The following PHF11 variants were observed in gnomAD, a reference collection of about 807,000 sequenced individuals.
The protein encoded by PHF11 is BRCA1 C-terminus-associated protein.
A neutral mutation model predicts 40.5 loss-of-function variants in PHF11; 38 were observed. The observed-to-expected ratio is 0.94, with a 90% confidence interval of 0.72 to 1.23. The LOEUF (loss-of-function observed/expected upper bound fraction) is 1.23. PHF11 is among the 50% of genes most tolerant of loss of function. The pLI is 0.00. For synonymous variants in PHF11, 127 were observed against 138.2 expected, an observed-to-expected ratio of 0.92 and a Z score of 0.57; for missense variants, 369 against 392.4, an observed-to-expected ratio of 0.94 and a Z score of 0.50.
intron 9 of PHF11, among the ~76,000 whole-genome samples, 177 bp from the exon 10 acceptor site, chr13:49,528,331 TAGA>T (rs910123050): frequency 6.6e-6 from 1 of 152,148 alleles, no homozygotes; most frequent in Non-Finnish European, 1.5e-5. Context: ...TGTCCTGAAT[TAGA>T]AGGAGGAAGT....
chr13:49,509,072 T>C (rs1391734596), intron 2 of PHF11, among the ~76,000 whole-genome samples: 2 of 152,204 alleles, frequency 1.3e-5, no homozygotes, highest in East Asian at 3.8e-4. Flanking sequence ...TTATTTTATT[T>C]CACTTTTTTA....
At chr13:49,509,133 A>G (rs1959049052) in intron 2 of PHF11, among the ~76,000 whole-genome samples, 1 of 152,070 alleles carries the variant, frequency 6.6e-6, no homozygotes, top group Non-Finnish European at 1.5e-5. Context: ...GAAAAGTTGC[A>G]TATACAGTAC....
rs773721735 is a variant in PHF11 at position 49,525,896 on chromosome 13, C to T, written c.770-491C>T. Reference sequence around the variant, plus strand: ...AATACCAAGAATTGGGGGCCAGGCGCGGTGGCTCACGCCTGTAATCCCAGC... The same window carrying T: ...AATACCAAGAATTGGGGGCCAGGCGTGGTGGCTCACGCCTGTAATCCCAGC... On this transcript the variant is annotated intron_variant, in intron 8 of 9. Transcript: ENST00000378319. 2.3e-5 allele frequency: 10 copies of T among 431,108 alleles called. No homozygotes were observed. In the East Asian group the frequency reaches 4.3e-4, roughly 19 times the overall value. 26.7% of individuals were successfully genotyped at this position (431,108 alleles called of 1,614,324 possible).
chr13:49,500,233 C>T (rs929071983), intron 1 of PHF11, among the ~76,000 whole-genome samples: 5 of 152,078 alleles, frequency 3.3e-5, no homozygotes, highest in African/African-American at 1.2e-4. Context: ...GTTGCTAAAC[C>T]CCCCTAGAAA....
intron 1 of PHF11, 50 bp from the exon 2 acceptor site, chr13:49,506,585 A>G: frequency 6.3e-7 from 1 of 1,591,520 alleles, no homozygotes; most frequent in East Asian, 2.2e-5. Flanking sequence ...GGAGTTAGTG[A>G]GACCAAGAAA....
intron 4 of PHF11, among the ~76,000 whole-genome samples, chr13:49,519,169 G>A (rs115408713): frequency 0.018 from 2,742 of 152,196 alleles, 83 homozygotes; most frequent in African/African-American, 0.062. Flanking sequence ...AGCAAGTTCC[G>A]TAAGTATTTT....
At chr13:49,519,437 G>C (rs1224509176) in intron 4 of PHF11, among the ~76,000 whole-genome samples, 2 of 151,798 alleles carry the variant, frequency 1.3e-5, no homozygotes, top group Non-Finnish European at 2.9e-5. Context: ...TAACAAATAG[G>C]GACTCAATAA....
intron 9 of PHF11, among the ~76,000 whole-genome samples, 171 bp from the exon 10 acceptor site, chr13:49,528,340 G>A (rs1481688774): frequency 6.6e-6 from 1 of 152,212 alleles, no homozygotes; most frequent in African/African-American, 2.4e-5. Flanking sequence ...TTAGAAGGAG[G>A]AAGTGAAGGC....
At chr13:49,515,319 C>T (rs1312867439) in intron 3 of PHF11, among the ~76,000 whole-genome samples, 2 of 152,018 alleles carry the variant, frequency 1.3e-5, no homozygotes, top group Non-Finnish European at 2.9e-5. Flanking sequence ...TGGGCAAGTA[C>T]CTTGAGGGTG....
At chr13:49,520,139 C>G (rs762085968) in intron 4 of PHF11, among the ~76,000 whole-genome samples, 1 of 152,188 alleles carries the variant, frequency 6.6e-6, no homozygotes, top group Non-Finnish European at 1.5e-5. Flanking sequence ...CTTCCAGCCT[C>G]CTGGGTTCAA....
chr13:49,514,913 A>C (rs1451245736), intron 3 of PHF11, among the ~76,000 whole-genome samples: 1 of 152,206 alleles, frequency 6.6e-6, no homozygotes, highest in Non-Finnish European at 1.5e-5. Flanking sequence ...AACTGATTAG[A>C]AAGTAGCAGA....
At chr13:49,498,278 G>T (rs1421449511) in intron 1 of PHF11, among the ~76,000 whole-genome samples, 1 of 152,216 alleles carries the variant, frequency 6.6e-6, no homozygotes, top group Non-Finnish European at 1.5e-5. Context: ...GACTTCTGTA[G>T]GTGATGGGGA....
At chr13:49,525,689 A>T (rs1959241280) in intron 8 of PHF11, 1 of 397,884 alleles carries the variant, frequency 2.5e-6, no homozygotes, top group African/African-American at 2.1e-5. Context: ...TATTTTCTAT[A>T]GGGCAAAACC....
At chr13:49,523,598 T>A (rs180919527) in intron 7 of PHF11, 140 of 274,660 alleles carry the variant, frequency 5.1e-4, no homozygotes, top group African/African-American at 2.9e-3. Context: ...TAACAACACA[T>A]ACAAACTGTG....
chr13:49,523,223 G>A lies in PHF11; in HGVS notation c.619G>A (p.Glu207Lys), dbSNP rs751353603. The A allele has an allele frequency of 5.6e-6, 9 of 1,611,286 alleles. No homozygotes were observed. The South Asian group carries it at 8.8e-5, about 16-fold the overall frequency. Residue 207 changes from glutamate to lysine, a missense_variant, in exon 7 of 10, where the codon GAG (glutamate) becomes AAG (lysine). Glu to Lys is a moderately conservative substitution (Grantham distance 56, BLOSUM62 1). Transcript: ENST00000378319. ...CNTFIRQVKE[E>K]HGRHTDATVK... ...TACATTCATAAGACAAGTGAAAGAA[G>A]AGCATGGCAGACACACAGGTTTGCG...
At chr13:49,496,587 C>A in intron 1 of PHF11, 1 of 332,448 alleles carries the variant, frequency 3.0e-6, no homozygotes, top group Non-Finnish European at 4.3e-6. Context: ...CTCCCCGGCC[C>A]TCTACTTGAG....
intron 7 of PHF11, chr13:49,523,485 A>G (rs1183554565): frequency 2.4e-5 from 12 of 497,682 alleles, no homozygotes; most frequent in Non-Finnish European, 3.5e-5. Flanking sequence ...TAATAAAGAC[A>G]CAGACAGGCT....
At chr13:49,513,032 C>G in intron 2 of PHF11, 27 bp from the exon 3 acceptor site, 1 of 1,121,910 alleles carries the variant, frequency 8.9e-7, no homozygotes, top group Non-Finnish European at 1.3e-6. Flanking sequence ...TTTGTGCATA[C>G]TCTGGATTTT....
At chr13:49,506,864 G>T in intron 2 of PHF11, 108 bp downstream of exon 2, 14 of 493,590 alleles carry the variant, frequency 2.8e-5, no homozygotes, top group Middle Eastern at 4.8e-4. Flanking sequence ...GTTGGCCATG[G>T]TTTGAGCTTT....
Sources: gnomAD v4.1 joint callset for allele counts (sites outside exome capture counted in the v4.1 genomes callset) on GRCh38, gnomAD v4.1.1 for gene constraint, MANE v1.5 for transcripts, NCBI Gene and HGNC (gene_info 2026-07-23, HGNC 2026-07-21) for gene names.